Variants in KCNMA1 observed in about 807,000 individuals in gnomAD.
KCNMA1 encodes potassium calcium-activated channel subfamily M alpha 1.
Under a neutral mutation model 140.0 loss-of-function variants are expected in KCNMA1, and 29 were observed. The observed-to-expected ratio is 0.21, with a 90% CI of 0.15 to 0.28. KCNMA1 has a LOEUF of 0.28. Among genes scored for constraint, KCNMA1 ranks in the 10% least tolerant of loss-of-function variants. KCNMA1 has a pLI of 1.00. For missense variants in KCNMA1, 880 were observed against 1,602.2 expected (o/e 0.55, Z 7.70); for synonymous variants, 612 against 611.9 (o/e 1.00, Z 0.00).
At chr10:77,252,477 G>C (rs2059831003) in intron 2 of KCNMA1, among the ~76,000 whole-genome samples, 1 of 151,844 alleles carries the variant, frequency 6.6e-6, no homozygotes, top group African/African-American at 2.4e-5. Context: ...CTTGGCTGGT[G>C]GGTAGAGAGG....
intron 2 of KCNMA1, among the ~76,000 whole-genome samples, chr10:77,403,051 G>A (rs562971583): frequency 6.6e-6 from 1 of 152,278 alleles, no homozygotes; most frequent in South Asian, 2.1e-4. Flanking sequence ...TTTTTGCACT[G>A]AAAGACTCAT....
intron 18 of KCNMA1, among the ~76,000 whole-genome samples, chr10:77,002,510 T>C (rs548807881): frequency 1.3e-5 from 2 of 152,322 alleles, no homozygotes; most frequent in East Asian, 3.9e-4. Context: ...CCAAAATCGA[T>C]TAAAACTGAC....
At chr10:77,551,755 C>T (rs1268614526) in intron 1 of KCNMA1, among the ~76,000 whole-genome samples, 2 of 152,210 alleles carry the variant, frequency 1.3e-5, no homozygotes, top group Non-Finnish European at 2.9e-5. Context: ...GTGTGTGGAG[C>T]TTGCTGGGAA....
At chr10:76,957,154 T>TAAAAAA (rs1407544215) in intron 20 of KCNMA1, among the ~76,000 whole-genome samples, 1 of 131,986 alleles carries the variant, frequency 7.6e-6, no homozygotes, top group African/African-American at 2.9e-5. Flanking sequence ...AAAAAAAAAT[T>TAAAAAA]AGCATTTGAT....
At chr10:77,622,683 T>G (rs1393913400) in intron 1 of KCNMA1, among the ~76,000 whole-genome samples, 1 of 152,238 alleles carries the variant, frequency 6.6e-6, no homozygotes, top group Non-Finnish European at 1.5e-5. Context: ...AAAAGGGGAC[T>G]ACATCACAGG....
chr10:77,540,749 C>T (rs2059978036), intron 1 of KCNMA1, among the ~76,000 whole-genome samples: 1 of 151,864 alleles, frequency 6.6e-6, no homozygotes, highest in South Asian at 2.1e-4. Flanking sequence ...GCCTGTAATC[C>T]CAGCACTTCG....
chr10:77,563,898 G>A (rs573890733), intron 1 of KCNMA1, among the ~76,000 whole-genome samples: 1 of 152,308 alleles, frequency 6.6e-6, no homozygotes, highest in African/African-American at 2.4e-5. Flanking sequence ...TAAGCAAGTC[G>A]TCTCTTGCTC....
At chr10:77,002,480 C>T (rs1238248557) in intron 18 of KCNMA1, among the ~76,000 whole-genome samples, 1 of 152,116 alleles carries the variant, frequency 6.6e-6, no homozygotes, top group East Asian at 1.9e-4. Context: ...TTTCTTTTTT[C>T]CTTATACAGA....
At chr10:77,190,165 T>C (rs1054237183) in intron 3 of KCNMA1, among the ~76,000 whole-genome samples, 2 of 152,140 alleles carry the variant, frequency 1.3e-5, no homozygotes, top group Admixed American at 1.3e-4. Context: ...AGCAAACTAC[T>C]TGTGCCCTCA....
intron 23 of KCNMA1, among the ~76,000 whole-genome samples, chr10:76,922,519 G>A (rs1019253812): frequency 6.6e-6 from 1 of 152,116 alleles, no homozygotes; most frequent in African/African-American, 2.4e-5. Context: ...GTTTAGAGAT[G>A]AGTCTGTCCT....
intron 2 of KCNMA1, among the ~76,000 whole-genome samples, chr10:77,314,499 G>C (rs548859874): frequency 6.6e-6 from 1 of 152,120 alleles, no homozygotes; most frequent in African/African-American, 2.4e-5. Context: ...TGTCAATTGC[G>C]CCCCTGCTGA....
intron 1 of KCNMA1, among the ~76,000 whole-genome samples, chr10:77,601,474 A>G (rs2082618983): frequency 6.6e-6 from 1 of 152,190 alleles, no homozygotes; most frequent in African/African-American, 2.4e-5. Context: ...ATCAAGCACA[A>G]ATAACACCAT....
chr10:77,482,953 TC>T (rs1175824921), intron 1 of KCNMA1, among the ~76,000 whole-genome samples: 57 of 144,668 alleles, frequency 3.9e-4, no homozygotes, highest in Non-Finnish European at 6.3e-4. Flanking sequence ...CCTTCTTCTC[TC>T]CCCCATCCTT....
chr10:77,487,400 G>A (rs2098473821), intron 1 of KCNMA1, among the ~76,000 whole-genome samples: 1 of 152,138 alleles, frequency 6.6e-6, no homozygotes, highest in Non-Finnish European at 1.5e-5. Context: ...AAAAAGAAGT[G>A]TATACTTCTT....
At chr10:77,381,521 G>A (rs1305470031) in intron 2 of KCNMA1, among the ~76,000 whole-genome samples, 2 of 152,072 alleles carry the variant, frequency 1.3e-5, no homozygotes, top group African/African-American at 4.8e-5. Context: ...GAACTACAAG[G>A]TATCTCTATG....
At position 77,376,323 on chromosome 10, in the gene KCNMA1, T is replaced by C. The variant is rs893425261; in HGVS notation, c.540+27539A>G. On this transcript the variant is annotated intron_variant, in intron 2 of 27. Coordinates refer to ENST00000286628, the MANE Select transcript of KCNMA1 (RefSeq NM_001161352.2). ...ACCACTAAAGCCCCCAGGTTTATCA[T>C]TTCCCGGGAGAATAGGTCCTGGGGG... 6 of 152,266 alleles carry C rather than the reference T, an allele frequency of 3.9e-5. No individual in the cohort carries two copies. The East Asian group carries it at 5.8e-4, about 15-fold the overall frequency. The allele number at this position is 152,266 out of a possible 1,614,324, so 9.4% of individuals were successfully genotyped here.
chr10:77,173,114 C>A (rs1187673037), intron 5 of KCNMA1, among the ~76,000 whole-genome samples: 1 of 152,126 alleles, frequency 6.6e-6, no homozygotes, highest in African/African-American at 2.4e-5. Flanking sequence ...TAGCATGATA[C>A]TATTTCAACA....
At chr10:77,391,175 T>C (rs1252901746) in intron 2 of KCNMA1, among the ~76,000 whole-genome samples, 1 of 152,156 alleles carries the variant, frequency 6.6e-6, no homozygotes, top group Non-Finnish European at 1.5e-5. Flanking sequence ...TCCATCTACC[T>C]TCCGAATTAA....
intron 18 of KCNMA1, among the ~76,000 whole-genome samples, chr10:77,007,653 G>GTGTGTGTA: frequency 2.4e-4 from 21 of 88,418 alleles, no homozygotes; most frequent in Admixed American, 5.7e-4. Context: ...TTGTGTGTGT[G>GTGTGTGTA]TATATATATA....
Sources: gnomAD v4.1 joint callset for allele counts (sites outside exome capture counted in the v4.1 genomes callset) on GRCh38, gnomAD v4.1.1 for gene constraint, MANE v1.5 for transcripts, NCBI Gene and HGNC (gene_info 2026-07-23, HGNC 2026-07-21) for gene names.